Variants in NSUN2 observed in about 807,000 individuals in gnomAD.
NSUN2 encodes NOP2/Sun RNA methyltransferase 2.
In NSUN2, 63 loss-of-function variants were observed where a neutral mutation model predicts 92.7. The ratio of observed to expected loss-of-function variants is 0.68; its 90% CI spans 0.56 to 0.84. The LOEUF is 0.84. NSUN2 is among the 40% of genes least tolerant of loss of function. NSUN2 has a pLI of 0.00. For missense variants in NSUN2, 989 were observed against 964.9 expected, an observed-to-expected ratio of 1.02 and a Z score of -0.33; for synonymous variants, 356 against 348.3, an observed-to-expected ratio of 1.02 and a Z score of -0.25.
intron 6 of NSUN2, 195 bp from the exon 7 acceptor site, chr5:6,620,493 A>T: frequency 2.4e-6 from 1 of 414,956 alleles, no homozygotes; most frequent in Non-Finnish European, 4.2e-6. Context: ...TTTTATGGAC[A>T]CTCGAATTTT....
rs750895252 is a variant in NSUN2, at chr5:6,611,718, AG to A, written c.1095+6del. On this transcript the variant is annotated splice_donor_region_variant and intron_variant, in intron 10 of 18. Coordinates refer to ENST00000264670, the MANE Select transcript of NSUN2 (RefSeq NM_017755.6). ...CTTTAGAATGAAAGTTCTCGAGGAA[AG>A]GTTACCTTCCACTGTGTGATTCCAG... 1.2e-6 allele frequency: 2 copies of A among 1,613,448 alleles called. No homozygotes were observed. Among genetic ancestry groups the A allele is most frequent in the East Asian group, 4.5e-5 (2 of 44,878 alleles).
In NSUN2 at chr5:6,601,498, C is replaced by T. The variant is rs540743945; in HGVS notation, c.1997+963G>A. On this transcript the variant is annotated intron_variant, in intron 18 of 18. Transcript: ENST00000264670. Reference sequence around the variant, plus strand: ...GTTGTTCCCTCACCAAGTTCCTGCCCCTCCCACCTCAGCCCCCACCTGTCC... The same window carrying T: ...GTTGTTCCCTCACCAAGTTCCTGCCTCTCCCACCTCAGCCCCCACCTGTCC... 3.9e-5 allele frequency among the ~76,000 whole-genome samples: 6 copies of T among 152,230 alleles called. No homozygotes were observed. The East Asian group carries it at 7.8e-4, about 20-fold the overall frequency.
intron 3 of NSUN2, among the ~76,000 whole-genome samples, chr5:6,627,541 C>G (rs1310984858): frequency 6.6e-6 from 1 of 152,084 alleles, no homozygotes. Context: ...ATGTCTTTTT[C>G]GTCAAATTTC....
intron 3 of NSUN2, among the ~76,000 whole-genome samples, chr5:6,626,519 G>A (rs773601478): frequency 1.1e-4 from 17 of 152,078 alleles, no homozygotes; most frequent in South Asian, 1.0e-3. Flanking sequence ...GATTACAGAC[G>A]TGTATTTTCA....
chr5:6,612,814 G>A (rs775191713), intron 9 of NSUN2, among the ~76,000 whole-genome samples: 15 of 152,206 alleles, frequency 9.9e-5, no homozygotes, highest in Non-Finnish European at 2.2e-4. Flanking sequence ...GATGAGCAGG[G>A]CAGGCAGCAG....
intron 3 of NSUN2, among the ~76,000 whole-genome samples, chr5:6,628,991 A>G (rs1737764733): frequency 1.3e-5 from 2 of 152,202 alleles, no homozygotes; most frequent in African/African-American, 4.8e-5. Flanking sequence ...GCTGCAGTGA[A>G]CCGTCATGAC....
intron 14 of NSUN2, 120 bp from the exon 15 acceptor site, chr5:6,605,528 C>T: frequency 1.0e-6 from 1 of 994,772 alleles, no homozygotes; most frequent in Non-Finnish European, 1.5e-6. Context: ...GGTTCAAGGG[C>T]ACTGGGCTCT....
intron 9 of NSUN2, among the ~76,000 whole-genome samples, chr5:6,615,731 T>A (rs1016169666): frequency 4.6e-5 from 7 of 152,208 alleles, no homozygotes; most frequent in African/African-American, 1.2e-4. Flanking sequence ...TCTCACTGAC[T>A]ATGCACCAAC....
intron 9 of NSUN2, among the ~76,000 whole-genome samples, chr5:6,613,557 T>G (rs1387043102): frequency 6.6e-6 from 1 of 152,218 alleles, no homozygotes; most frequent in Non-Finnish European, 1.5e-5. Flanking sequence ...CTGTCTCCTT[T>G]CTTGTCTTGC....
At chr5:6,607,160 A>G (rs1736809736) in intron 13 of NSUN2, 40 bp downstream of exon 13, 4 of 1,595,460 alleles carry the variant, frequency 2.5e-6, no homozygotes, top group Non-Finnish European at 3.4e-6. Context: ...GACTGTGAAG[A>G]CACCAGCGTA....
intron 12 of NSUN2, 53 bp from the exon 13 acceptor site, chr5:6,607,437 G>A (rs1473010980): frequency 6.8e-7 from 1 of 1,467,510 alleles, no homozygotes; most frequent in East Asian, 2.3e-5. Context: ...TCTTTGTGCT[G>A]CTACGAAAAG....
At chr5:6,609,719 C>A (rs1177344978) in intron 12 of NSUN2, 107 bp downstream of exon 12, 1 of 839,050 alleles carries the variant, frequency 1.2e-6, no homozygotes, top group Non-Finnish European at 1.9e-6. Context: ...CTGCTGCCCA[C>A]AGCAAGAAGC....
In NSUN2 at chr5:6,604,172, G is replaced by C; in HGVS notation, c.1923C>G (p.Leu641=). Residue 641 remains leucine (L), a synonymous_variant, in exon 17 of 19, where the codon CTC becomes CTG. Transcript: ENST00000264670. ...LTQENPFFRK[L]SSETYSQAKD... ...TTGCTTGACTGTAGGTCTCACTGCT[G>C]AGTTTTCTAAAAAAGGGATTTTCCT... is the stretch of plus-strand genomic sequence containing the variant. The C allele has an allele frequency of 6.2e-7, 1 of 1,614,022 alleles. No homozygotes were observed. Among genetic ancestry groups the C allele is most frequent in the African/African-American group, 1.3e-5 (1 of 75,038 alleles).
chr5:6,604,754 GC>G, intron 15 of NSUN2, 69 bp from the exon 16 acceptor site: 1 of 1,268,594 alleles, frequency 7.9e-7, no homozygotes, highest in Non-Finnish European at 1.1e-6. Flanking sequence ...AGGATGCCGG[GC>G]CACATGGAGC....
At chr5:6,614,888 T>G (rs1420752833) in intron 9 of NSUN2, among the ~76,000 whole-genome samples, 1 of 152,088 alleles carries the variant, frequency 6.6e-6, no homozygotes, top group Non-Finnish European at 1.5e-5. Flanking sequence ...GACAGGCTTG[T>G]GTGGACAAGA....
chr5:6,604,339 T>C, intron 16 of NSUN2, 63 bp from the exon 17 acceptor site: 1 of 1,416,564 alleles, frequency 7.1e-7, no homozygotes, highest in Admixed American at 1.8e-5. Flanking sequence ...GACAACAGCC[T>C]GCTCTCAGGG....
chr5:6,603,853 G>A, intron 17 of NSUN2: 1 of 302,918 alleles, frequency 3.3e-6, no homozygotes, highest in Non-Finnish European at 6.1e-6. Context: ...GCCCAGCAAG[G>A]TGAGCAAAGG....
At chr5:6,610,838 A>G (rs533912740) in intron 11 of NSUN2, 117 bp downstream of exon 11, 1 of 1,266,980 alleles carries the variant, frequency 7.9e-7, no homozygotes, top group South Asian at 1.4e-5. Flanking sequence ...GGCATAACCC[A>G]AGCCTCACAG....
At chr5:6,608,864 A>G (rs1736881652) in intron 12 of NSUN2, among the ~76,000 whole-genome samples, 1 of 152,264 alleles carries the variant, frequency 6.6e-6, no homozygotes, top group Non-Finnish European at 1.5e-5. Context: ...CTAATACTTT[A>G]CAATATAATT....
Sources: gnomAD v4.1 joint callset for allele counts (sites outside exome capture counted in the v4.1 genomes callset) on GRCh38, gnomAD v4.1.1 for gene constraint, MANE v1.5 for transcripts, NCBI Gene and HGNC (gene_info 2026-07-23, HGNC 2026-07-21) for gene names.